C3orf20: variants seen among roughly 807,000 people sequenced by gnomAD.
C3orf20 encodes family with sequence similarity 149 member C, also known as uncharacterized protein C3orf20.
A neutral mutation model predicts 88.3 loss-of-function variants in C3orf20; 76 were observed. That is an observed-to-expected ratio of 0.86 (90% CI 0.72 to 1.04). The LOEUF (loss-of-function observed/expected upper bound fraction) is 1.04, where lower values mean the gene tolerates loss of function less well. Ranked by LOEUF, C3orf20 falls within the 50% of genes least tolerant of loss-of-function variation. C3orf20 has a pLI of 0.00. For synonymous variants in C3orf20, 436 were observed against 437.4 expected (o/e 1.00, Z 0.04); for missense variants, 1,056 against 1,123.3 (o/e 0.94, Z 0.86).
intron 7 of C3orf20, among the ~76,000 whole-genome samples, chr3:14,710,317 G>A (rs1291349859): frequency 6.6e-6 from 1 of 151,368 alleles, no homozygotes; most frequent in Non-Finnish European, 1.5e-5. Context: ...GGTTTTGTTG[G>A]TTCTATTTTT....
At chr3:14,732,388 C>A (rs1028991980) in intron 12 of C3orf20, among the ~76,000 whole-genome samples, 18 of 152,146 alleles carry the variant, frequency 1.2e-4, no homozygotes, top group Non-Finnish European at 2.9e-5. Context: ...AGTCTTTTAT[C>A]AGATATGTGA....
intron 12 of C3orf20, among the ~76,000 whole-genome samples, chr3:14,754,499 GCT>G (rs1208137126): frequency 1.3e-5 from 2 of 152,190 alleles, no homozygotes; most frequent in African/African-American, 4.8e-5. Flanking sequence ...ATGCTACAAT[GCT>G]CTCTTACCAA....
intron 10 of C3orf20, chr3:14,722,244 A>G: frequency 3.1e-6 from 1 of 321,926 alleles, no homozygotes; most frequent in Non-Finnish European, 6.2e-6. Flanking sequence ...GTGCCCCTGG[A>G]AGAAGGAGGG....
intron 7 of C3orf20, among the ~76,000 whole-genome samples, 178 bp downstream of exon 7, chr3:14,704,796 A>C (rs558439661): frequency 1.3e-5 from 2 of 152,278 alleles, no homozygotes; most frequent in Middle Eastern, 3.4e-3. Context: ...AGGAGGAGGT[A>C]ATAAGTTTCA....
At chr3:14,731,582 G>A (rs554130457) in intron 12 of C3orf20, among the ~76,000 whole-genome samples, 170 of 152,260 alleles carry the variant, frequency 1.1e-3, no homozygotes, top group African/African-American at 3.3e-3. Context: ...ATGCAGTAAC[G>A]TGTGCAATGT....
chr3:14,752,772 T>C (rs2035255526), intron 12 of C3orf20, among the ~76,000 whole-genome samples: 1 of 152,128 alleles, frequency 6.6e-6, no homozygotes, highest in Non-Finnish European at 1.5e-5. Context: ...GAAATGCAAA[T>C]CAAAACGATA....
intron 15 of C3orf20, among the ~76,000 whole-genome samples, chr3:14,764,500 T>TATA (rs2035647613): frequency 4.0e-5 from 6 of 149,834 alleles, no homozygotes; most frequent in Admixed American, 4.0e-4. Flanking sequence ...TTATTATTAT[T>TATA]ATTATTATTG....
rs532083858 is a variant in C3orf20, at chr3:14,772,712, C to G, written c.2631-79C>G. On this transcript the variant is annotated intron_variant, in intron 16 of 16. Coordinates refer to ENST00000253697, the MANE Select transcript of C3orf20 (RefSeq NM_032137.5). The surrounding 1 kb of genome is among the most constrained non-coding windows in gnomAD (Gnocchi z 4.2). ...GTGCAAGGGAGAGGGCCTTGCCCCTCCTGGCCCAACCGGGCCTGGGCTCTG... is the reference window on the plus strand; with the variant it reads ...GTGCAAGGGAGAGGGCCTTGCCCCTGCTGGCCCAACCGGGCCTGGGCTCTG... 104 of 1,221,010 alleles carry G rather than the reference C, an allele frequency of 8.5e-5. 1 individual carries two copies. The South Asian group carries it at 1.2e-3, about 15-fold the overall frequency. 75.6% of individuals were successfully genotyped at this position (1,221,010 alleles called of 1,614,324 possible). A position where few individuals can be genotyped will look rare whatever the true frequency, so the allele number is the denominator to read the frequency against.
At chr3:14,703,424 T>C (rs1575107940) in intron 6 of C3orf20, among the ~76,000 whole-genome samples, 162 bp downstream of exon 6, 1 of 152,192 alleles carries the variant, frequency 6.6e-6, no homozygotes, top group African/African-American at 2.4e-5. Context: ...CAGCCACAGG[T>C]GCAGCATCCC....
At chr3:14,677,878 C>T (rs1263949880) in intron 1 of C3orf20, among the ~76,000 whole-genome samples, 1 of 152,110 alleles carries the variant, frequency 6.6e-6, no homozygotes, top group Non-Finnish European at 1.5e-5. Context: ...CCCCTAGCAG[C>T]AGCTATCCAT....
chr3:14,747,848 T>C (rs1362614991), intron 12 of C3orf20, among the ~76,000 whole-genome samples: 1 of 151,966 alleles, frequency 6.6e-6, no homozygotes, highest in Non-Finnish European at 1.5e-5. Context: ...ATATATGATA[T>C]ATTTTCTATA....
In C3orf20 at chr3:14,692,424, T is replaced by C. The variant is rs569325048; in HGVS notation, c.745+2308T>C. 4.1e-4 allele frequency among the ~76,000 whole-genome samples: 62 copies of C among 152,338 alleles called. 2 individuals are homozygous for C. The South Asian group carries it at 7.9e-3, about 19-fold the overall frequency. On this transcript the variant is annotated intron_variant, in intron 5 of 16. Transcript: ENST00000253697. ...CCAGCATTTGTTGTTGCCTGTCTTT[T>C]GGACAAAAGCCATTTTAACTGGGTG...
intron 5 of C3orf20, among the ~76,000 whole-genome samples, chr3:14,697,571 C>G (rs2033063206): frequency 6.6e-6 from 1 of 151,548 alleles, no homozygotes; most frequent in Non-Finnish European, 1.5e-5. Context: ...TTTTATTATA[C>G]TTTAAGTTCT....
chr3:14,734,272 C>T (rs1029554568), intron 12 of C3orf20, among the ~76,000 whole-genome samples: 2 of 152,004 alleles, frequency 1.3e-5, no homozygotes, highest in Non-Finnish European at 2.9e-5. Context: ...CTTTTTCTGA[C>T]TTCCTGAGGT....
Position 14,704,523 on chromosome 3 carries a change from C to T in C3orf20, c.1065C>T (p.Ala355=). ...TLSPTSHPSS[A]NHHFSQHCQE... is the part of the protein sequence containing the mutation. ...GCCCCACCTCTCACCCATCTTCTGCCAACCATCATTTCAGTCAGCATTGTC... is the reference window on the plus strand; with the variant it reads ...GCCCCACCTCTCACCCATCTTCTGCTAACCATCATTTCAGTCAGCATTGTC... Residue 355 remains alanine, a synonymous_variant, in exon 7 of 17, where the codon GCC becomes GCT. Transcript: ENST00000253697. 2 of 1,614,166 alleles carry T rather than the reference C, an allele frequency of 1.2e-6. No individual in the cohort carries two copies. The highest frequency in any genetic ancestry group is 1.7e-6 in the Non-Finnish European group (2 of 1,180,034).
intron 5 of C3orf20, among the ~76,000 whole-genome samples, chr3:14,694,752 G>A (rs557425190): frequency 6.6e-6 from 1 of 150,896 alleles, no homozygotes; most frequent in African/African-American, 2.4e-5. Flanking sequence ...TGCTTTTCTA[G>A]TTCTTTAAGT....
At chr3:14,717,451 T>C (rs1274672288) in intron 9 of C3orf20, among the ~76,000 whole-genome samples, 3 of 152,066 alleles carry the variant, frequency 2.0e-5, no homozygotes, top group African/African-American at 7.2e-5. Context: ...TTCTGGGTAG[T>C]GGGAGCCGAG....
At chr3:14,693,054 G>C (rs2124912594) in intron 5 of C3orf20, among the ~76,000 whole-genome samples, 1 of 152,130 alleles carries the variant, frequency 6.6e-6, no homozygotes, top group Non-Finnish European at 1.5e-5. Context: ...TTATTTTGGG[G>C]CTCTGTATTG....
chr3:14,717,513 G>A (rs1463261112), intron 9 of C3orf20, among the ~76,000 whole-genome samples: 1 of 152,200 alleles, frequency 6.6e-6, no homozygotes, highest in Non-Finnish European at 1.5e-5. Flanking sequence ...GAGGTCACAA[G>A]TGCTTCTTGT....
Sources: gnomAD v4.1 joint callset for allele counts (sites outside exome capture counted in the v4.1 genomes callset) on GRCh38, gnomAD v4.1.1 for gene constraint, Gnocchi (gnomAD v3.1) non-coding constraint, MANE v1.5 for transcripts, NCBI Gene and HGNC (gene_info 2026-07-23, HGNC 2026-07-21) for gene names.